Variants in BARX2 observed in about 807,000 individuals in gnomAD.
BARX2 encodes homeobox protein BarH-like 2.
A neutral mutation model predicts 25.5 loss-of-function variants in BARX2; 11 were observed. That is an observed-to-expected ratio of 0.43 (90% confidence interval 0.27 to 0.71). The LOEUF (loss-of-function observed/expected upper bound fraction) is 0.71. Among genes scored for constraint, BARX2 ranks in the 30% least tolerant of loss-of-function variants. The pLI is 0.19. For missense variants in BARX2, 360 were observed against 359.9 expected (o/e 1.00, Z 0.00); for synonymous variants, 137 against 149.5 (o/e 0.92, Z 0.61).
intron 1 of BARX2, among the ~76,000 whole-genome samples, chr11:129,419,416 G>A (rs1021031943): frequency 3.3e-5 from 5 of 152,136 alleles, no homozygotes; most frequent in South Asian, 2.1e-4. Flanking sequence ...ACTTAAAGCC[G>A]AAGTTTCCAA....
At chr11:129,392,385 G>A (rs1861674581) in intron 1 of BARX2, among the ~76,000 whole-genome samples, 1 of 152,226 alleles carries the variant, frequency 6.6e-6, no homozygotes, top group African/African-American at 2.4e-5. Context: ...GTGCACAAGT[G>A]CAAGGTCGAT....
At chr11:129,446,322 T>C (rs2135417113) in intron 3 of BARX2, among the ~76,000 whole-genome samples, 1 of 152,254 alleles carries the variant, frequency 6.6e-6, no homozygotes, top group East Asian at 1.9e-4. Flanking sequence ...TCATGGTCAT[T>C]ATCTTTCTCA....
chr11:129,435,956 C>T (rs1440599599), intron 1 of BARX2, among the ~76,000 whole-genome samples: 1 of 152,222 alleles, frequency 6.6e-6, no homozygotes, highest in East Asian at 1.9e-4. Context: ...GACCCAGCAC[C>T]TTTTCCTCAG....
intron 1 of BARX2, among the ~76,000 whole-genome samples, chr11:129,380,852 C>T (rs1337275272): frequency 6.6e-6 from 1 of 151,164 alleles, no homozygotes; most frequent in Non-Finnish European, 1.5e-5. Context: ...TCTTGGCTCA[C>T]TGCAACCTCC....
intron 3 of BARX2, 58 bp downstream of exon 3, chr11:129,442,977 G>A: frequency 6.6e-7 from 1 of 1,510,530 alleles, no homozygotes; most frequent in Non-Finnish European, 9.2e-7. Context: ...TTTACTCCAG[G>A]GCTGTTGGGA....
chr11:129,417,689 G>A (rs2135401632), intron 1 of BARX2, among the ~76,000 whole-genome samples: 1 of 152,322 alleles, frequency 6.6e-6, no homozygotes, highest in Non-Finnish European at 1.5e-5. Context: ...GTGGGAACTG[G>A]GTTCTCCGAT....
intron 1 of BARX2, among the ~76,000 whole-genome samples, chr11:129,413,903 TACAAAA>T (rs1861915533): frequency 6.6e-6 from 1 of 151,486 alleles, no homozygotes; most frequent in African/African-American, 2.4e-5. Flanking sequence ...CTCTACTAAA[TACAAAA>T]ACAAAAATTA....
intron 1 of BARX2, among the ~76,000 whole-genome samples, chr11:129,408,462 A>G (rs1472491106): frequency 6.6e-6 from 1 of 152,210 alleles, no homozygotes; most frequent in Non-Finnish European, 1.5e-5. Flanking sequence ...AGGGATGCTT[A>G]GCTCACAGTG....
At chr11:129,391,232 C>T (rs1427592049) in intron 1 of BARX2, among the ~76,000 whole-genome samples, 1 of 152,204 alleles carries the variant, frequency 6.6e-6, no homozygotes, top group Admixed American at 6.5e-5. Flanking sequence ...ATGGTTTTCA[C>T]ATTCGTAAAC....
chr11:129,446,874 C>G (rs973763896), intron 3 of BARX2, among the ~76,000 whole-genome samples: 46 of 152,102 alleles, frequency 3.0e-4, no homozygotes, highest in African/African-American at 1.1e-3. Flanking sequence ...TGGAAACAGT[C>G]ATCAGTTATG....
Position 129,383,774 on chromosome 11 carries a change from A to G in BARX2, c.187+7552A>G, listed in dbSNP as rs1420401282. Among the ~76,000 whole-genome samples, 3 of 152,346 alleles carry G rather than the reference A, an allele frequency of 2.0e-5. No homozygotes were observed. In the East Asian group the frequency reaches 5.8e-4, roughly 29 times the overall value. On this transcript the variant is annotated intron_variant, in intron 1 of 3. Coordinates refer to ENST00000281437, the MANE Select transcript of BARX2 (RefSeq NM_003658.5). ...TCCATGTACAAGCAGACACGCTTGC[A>G]GGATTCCTTTTTACCGCGTCTTTCC... is the stretch of plus-strand genomic sequence containing the variant.
rs748796814 is a variant in BARX2 at position 129,451,378 on chromosome 11, T to C, written c.816T>C (p.Ser272=). ...CGCCCCAGGAGTTGCCAATACCCTC[T>C]TCGGAACCCCCACCATTAAGCTAAA... ...PDPPQELPIP[S]SEPPPLS The change falls in exon 4 of 4, where the codon TCT becomes TCC. Residue 272 remains serine, a synonymous_variant. Transcript: ENST00000281437. The C allele has an allele frequency of 8.7e-6, 14 of 1,613,692 alleles. No individual in the cohort carries two copies. The highest frequency in any genetic ancestry group is 1.2e-5 in the Non-Finnish European group (14 of 1,179,696).
chr11:129,405,990 A>G (rs992284168), intron 1 of BARX2, among the ~76,000 whole-genome samples: 2 of 152,174 alleles, frequency 1.3e-5, no homozygotes, highest in Non-Finnish European at 2.9e-5. Context: ...ATAGGTACCT[A>G]TGTATGTTAC....
chr11:129,407,075 A>C (rs1457769668), intron 1 of BARX2, among the ~76,000 whole-genome samples: 1 of 148,344 alleles, frequency 6.7e-6, no homozygotes, highest in Admixed American at 6.8e-5. Flanking sequence ...TATAGACTCT[A>C]AGTCCTACAG....
At chr11:129,425,113 C>G (rs2135405677) in intron 1 of BARX2, among the ~76,000 whole-genome samples, 1 of 152,312 alleles carries the variant, frequency 6.6e-6, no homozygotes, top group African/African-American at 2.4e-5. Context: ...GGTCATAGAG[C>G]TCAAAGGTGT....
intron 1 of BARX2, among the ~76,000 whole-genome samples, chr11:129,408,447 C>T (rs111299041): frequency 0.017 from 2,575 of 152,270 alleles, 79 homozygotes; most frequent in African/African-American, 0.057. Flanking sequence ...TTAATCAACC[C>T]GCACAGGGAT....
intron 2 of BARX2, chr11:129,438,093 G>A (rs571609603): frequency 1.1e-4 from 17 of 152,104 alleles, no homozygotes; most frequent in African/African-American, 4.1e-4. Context: ...GGGAGGCCGA[G>A]GCAGGTGGAT....
Position 129,451,409 on chromosome 11 carries a change from AC to A in BARX2, c.*10del. 1.2e-6 allele frequency: 2 copies of A among 1,608,830 alleles called. No individual in the cohort carries two copies. The highest frequency in any genetic ancestry group is 1.7e-6 in the Non-Finnish European group (2 of 1,175,742). ...ACCCCCACCATTAAGCTAAAGTAAA[AC>A]CCTTTTGAGGGAAGAGGGAGACTGG... On this transcript the variant is annotated 3_prime_UTR_variant, in exon 4 of 4. Transcript: ENST00000281437.
intron 2 of BARX2, among the ~76,000 whole-genome samples, chr11:129,442,048 G>A (rs1420516809): frequency 6.6e-6 from 1 of 152,168 alleles, no homozygotes. Context: ...ATTAGCAGTA[G>A]AATGGAAAAC....
Sources: gnomAD v4.1 joint callset for allele counts (sites outside exome capture counted in the v4.1 genomes callset) on GRCh38, gnomAD v4.1.1 for gene constraint, MANE v1.5 for transcripts, NCBI Gene and HGNC (gene_info 2026-07-23, HGNC 2026-07-21) for gene names.